Variants in DZIP3 observed in about 807,000 individuals in gnomAD.
The protein encoded by DZIP3 is E3 ubiquitin-protein ligase DZIP3.
DZIP3 carries 118 observed loss-of-function variants against 162.0 expected under a neutral mutation model. The observed-to-expected ratio is 0.73, with a 90% CI of 0.63 to 0.85. DZIP3 has a LOEUF of 0.85. Ranked by LOEUF, DZIP3 falls within the 40% of genes least tolerant of loss-of-function variation. DZIP3 has a pLI of 0.00. For missense variants in DZIP3, 1,331 were observed against 1,407.0 expected (o/e 0.95, Z 0.86); for synonymous variants, 438 against 458.6 (o/e 0.96, Z 0.57).
intron 1 of DZIP3, among the ~76,000 whole-genome samples, chr3:108,598,504 T>C (rs1939823728): frequency 6.6e-6 from 1 of 152,158 alleles, no homozygotes; most frequent in Non-Finnish European, 1.5e-5. Flanking sequence ...AACCAAAAGC[T>C]CGCTCTGCCT....
chr3:108,678,894 A>G (rs1212654041), intron 26 of DZIP3, among the ~76,000 whole-genome samples: 3 of 152,124 alleles, frequency 2.0e-5, no homozygotes, highest in Non-Finnish European at 2.9e-5. Flanking sequence ...ACACTGTTTC[A>G]AAAGCAGGAT....
intron 26 of DZIP3, among the ~76,000 whole-genome samples, chr3:108,677,919 T>C (rs1944169728): frequency 6.6e-6 from 1 of 152,020 alleles, no homozygotes; most frequent in African/African-American, 2.4e-5. Flanking sequence ...GTCCTCATGT[T>C]ACCACTAGAT....
intron 22 of DZIP3, 128 bp from the exon 23 acceptor site, chr3:108,672,432 T>C (rs1411847603): frequency 2.8e-6 from 2 of 722,280 alleles, no homozygotes; most frequent in East Asian, 2.6e-5. Flanking sequence ...CTTGTTTCTA[T>C]GTGCTCTATA....
At chr3:108,631,055 A>ACACACACATATACACTCTCTCTCT in intron 8 of DZIP3, among the ~76,000 whole-genome samples, 1 of 18,004 alleles carries the variant, frequency 5.6e-5, no homozygotes, top group Non-Finnish European at 9.0e-5. Context: ...ACACACACAC[A>ACACACACATATACACTCTCTCTCT]CTCTCTCTCT....
rs776854007 is a variant in DZIP3 at position 108,629,139 on chromosome 3, A to G, written c.659A>G (p.Asp220Gly). 1 of 1,598,326 alleles carries G rather than the reference A, an allele frequency of 6.3e-7. No individual in the cohort carries two copies. Residue 220 changes from aspartate to glycine, a missense_variant, in exon 8 of 33, where the codon GAT (aspartate) becomes GGT (glycine). Around this residue, in one of 2 missense-constraint regions of DZIP3, gnomAD observed 1,278 missense variants for 1,317.1 expected, o/e 0.97. Transcript: ENST00000361582. Reference protein sequence around the residue: ...GDKNDHWFDIDPTEDEDLPTT... With the variant: ...GDKNDHWFDIGPTEDEDLPTT... ...AAAAATGACCATTGGTTTGACATAG[A>G]TCCTACAGAAGATGAAGATTTACCT...
At chr3:108,689,059 A>G in intron 31 of DZIP3, 135 bp downstream of exon 31, 1 of 819,372 alleles carries the variant, frequency 1.2e-6, no homozygotes, top group Non-Finnish European at 2.0e-6. Flanking sequence ...TGGGTACCAC[A>G]CAGAAACATT....
chr3:108,690,745 G>C, intron 31 of DZIP3, 42 bp from the exon 32 acceptor site: 1 of 1,577,170 alleles, frequency 6.3e-7, no homozygotes, highest in South Asian at 1.1e-5. Context: ...GCCTCTGCTA[G>C]GCTACATCTG....
chr3:108,661,767 C>G (rs1160387657), intron 19 of DZIP3, 110 bp from the exon 20 acceptor site: 3 of 752,902 alleles, frequency 4.0e-6, no homozygotes, highest in East Asian at 2.7e-5. Context: ...GAGTGTTTGA[C>G]TTGAGACAAA....
At chr3:108,664,464 C>A (rs891310436) in intron 21 of DZIP3, among the ~76,000 whole-genome samples, 3 of 152,182 alleles carry the variant, frequency 2.0e-5, no homozygotes, top group African/African-American at 7.2e-5. Flanking sequence ...GAGAAGGAGA[C>A]AGTGCTTTAA....
intron 3 of DZIP3, 81 bp from the exon 4 acceptor site, chr3:108,611,093 T>C: frequency 2.2e-6 from 3 of 1,364,270 alleles, no homozygotes; most frequent in Admixed American, 2.6e-5. Context: ...GTTCCTTTTT[T>C]AATGCTTTGG....
Position 108,669,724 on chromosome 3 carries a change from C to G in DZIP3, c.2467C>G (p.Leu823Val). The change falls in exon 22 of 33, where the codon CTT (leucine) becomes GTT (valine). Residue 823 changes from leucine (L) to valine (V), a missense_variant. Coordinates refer to ENST00000361582, the MANE Select transcript of DZIP3 (RefSeq NM_014648.4). Reference sequence around the variant, plus strand: ...TGCTAAAGATAATGAAATCAAGAACCTTAAAGAGCAACTTTCTATGAAAAG... The same window carrying G: ...TGCTAAAGATAATGAAATCAAGAACGTTAAAGAGCAACTTTCTATGAAAAG... ...IHAKDNEIKN[L>V]KEQLSMKRSQ... 1.9e-6 allele frequency: 3 copies of G among 1,611,256 alleles called. No individual in the cohort carries two copies. The highest frequency in any genetic ancestry group is 2.2e-5 in the South Asian group (2 of 90,856).
At chr3:108,624,353 TATTA>T (rs1470771462) in intron 5 of DZIP3, 87 bp from the exon 6 acceptor site, 1 of 685,026 alleles carries the variant, frequency 1.5e-6, no homozygotes, top group East Asian at 2.9e-5. Context: ...TTTTAATAAT[TATTA>T]ATTAAGCTTA....
chr3:108,657,135 G>A (rs1293637376), intron 19 of DZIP3, among the ~76,000 whole-genome samples: 4 of 152,102 alleles, frequency 2.6e-5, no homozygotes, highest in Non-Finnish European at 5.9e-5. Context: ...GAAATACAGA[G>A]AACGCCACAA....
chr3:108,653,503 G>GTATATA (rs1386798248), intron 18 of DZIP3, among the ~76,000 whole-genome samples: 17 of 20,062 alleles, frequency 8.5e-4, no homozygotes, highest in African/African-American at 1.6e-3. Flanking sequence ...CATTGTGTGT[G>GTATATA]TGTGTATATA....
intron 2 of DZIP3, among the ~76,000 whole-genome samples, chr3:108,606,413 G>A (rs778282775): frequency 7.2e-5 from 11 of 152,148 alleles, no homozygotes; most frequent in Non-Finnish European, 1.6e-4. Flanking sequence ...GGTGCTTAGG[G>A]AATAAAGACT....
At chr3:108,653,088 A>AT (rs973385137) in intron 18 of DZIP3, among the ~76,000 whole-genome samples, 8 of 151,932 alleles carry the variant, frequency 5.3e-5, no homozygotes, top group Non-Finnish European at 1.2e-4. Context: ...GAAACATTTA[A>AT]TTTTTAAAAG....
rs1944798229 is a variant in DZIP3 at position 108,694,227 on chromosome 3, T to C, written c.*874T>C. 6.6e-6 allele frequency: 1 copy of C among 152,122 alleles called. No individual in the cohort carries two copies. The highest frequency in any genetic ancestry group is 1.5e-5 in the Non-Finnish European group (1 of 68,022). 9.4% of individuals were successfully genotyped at this position (152,122 alleles called of 1,614,324 possible). ...ACTGTATGTTAAACGTATTCTTCTG[T>C]AATGAGAATAGACTGGAACATGTGA... On this transcript the variant is annotated 3_prime_UTR_variant, in exon 33 of 33. Coordinates refer to ENST00000361582, the MANE Select transcript of DZIP3 (RefSeq NM_014648.4).
rs9842684 is a variant in DZIP3 at position 108,625,702 on chromosome 3, G to C, written c.457-143G>C. On this transcript the variant is annotated intron_variant, in intron 6 of 32. Coordinates refer to ENST00000361582, the MANE Select transcript of DZIP3 (RefSeq NM_014648.4). ...TTGTAATCACATGCAGAGATGCCAG[G>C]ATTCAGAATGTGAATAAATGACCAG... The C allele has an allele frequency of 5.4e-3, 3,959 of 736,930 alleles. 127 individuals carry two copies. In the African/African-American group the frequency reaches 0.065, roughly 12 times the overall value. 45.6% of individuals were successfully genotyped at this position (736,930 alleles called of 1,614,324 possible). A position where few individuals can be genotyped will look rare whatever the true frequency, so the allele number is the denominator to read the frequency against.
intron 13 of DZIP3, among the ~76,000 whole-genome samples, chr3:108,643,163 A>G (rs1205695416): frequency 6.6e-6 from 1 of 152,210 alleles, no homozygotes; most frequent in Non-Finnish European, 1.5e-5. Context: ...TTGAAGGATA[A>G]AATAATAAGG....
Sources: gnomAD v4.1 joint callset for allele counts (sites outside exome capture counted in the v4.1 genomes callset) on GRCh38, gnomAD v4.1.1 for gene constraint, gnomAD v4.1.1 regional missense constraint, MANE v1.5 for transcripts, NCBI Gene and HGNC (gene_info 2026-07-23, HGNC 2026-07-21) for gene names.